Variants in TSNARE1 observed in about 807,000 individuals in gnomAD.
TSNARE1 encodes the protein t-SNARE domain containing 1, also known as t-SNARE domain-containing protein 1.
TSNARE1 carries 49 observed loss-of-function variants against 62.0 expected under a neutral mutation model. The ratio of observed to expected loss-of-function variants is 0.79; its 90% CI spans 0.63 to 1.00. The LOEUF is 1.00. Among genes scored for constraint, TSNARE1 ranks in the 50% least tolerant of loss-of-function variants. The pLI is 0.00. For missense variants in TSNARE1, 755 were observed against 700.1 expected (o/e 1.08, Z -0.88); for synonymous variants, 328 against 294.4 (o/e 1.11, Z -1.17).
chr8:142,405,559 A>G (rs963990240), upstream of TSNARE1: 14 of 152,322 alleles, frequency 9.2e-5, no homozygotes, highest in African/African-American at 3.1e-4. Flanking sequence ...CTTCGGAAGG[A>G]ACGTTGAGGC....
At chr8:142,344,588 T>A in intron 3 of TSNARE1, 116 bp from the exon 4 acceptor site, 2 of 1,136,474 alleles carry the variant, frequency 1.8e-6, no homozygotes, top group Non-Finnish European at 2.4e-6. Flanking sequence ...CACGGCTGCC[T>A]GGTCCTGGCC....
chr8:142,286,106 G>A lies in TSNARE1; in HGVS notation c.1291-1621C>T, dbSNP rs1822702191. On this transcript the variant is annotated intron_variant, in intron 10 of 13. Coordinates refer to ENST00000524325, the MANE Select transcript of TSNARE1 (RefSeq NM_145003.5). ...CTGCACCTAGGACGGCTCCTCCGCT[G>A]GCCAGATGCATGGCCCTGGGCAAGC... 3.3e-5 allele frequency among the ~76,000 whole-genome samples: 5 copies of A among 152,306 alleles called. No homozygotes were observed. In the South Asian group the frequency reaches 1.0e-3, roughly 32 times the overall value.
At chr8:142,385,306 T>C (rs1216363587) in intron 1 of TSNARE1, among the ~76,000 whole-genome samples, 2 of 152,140 alleles carry the variant, frequency 1.3e-5, no homozygotes, top group African/African-American at 4.8e-5. Context: ...AGCCACAGCT[T>C]TGAATATGCA....
At chr8:142,296,636 G>C (rs959318683) in intron 10 of TSNARE1, among the ~76,000 whole-genome samples, 2 of 152,008 alleles carry the variant, frequency 1.3e-5, no homozygotes, top group Non-Finnish European at 2.9e-5. Context: ...GGACCAACCA[G>C]AGACTCCCCG....
At chr8:142,275,052 G>A in intron 11 of TSNARE1, 189 bp from the exon 12 acceptor site, 1 of 985,408 alleles carries the variant, frequency 1.0e-6, no homozygotes, top group Non-Finnish European at 1.2e-6. Context: ...GGGCAGCAAT[G>A]ACATTAGAAC....
At chr8:142,255,923 CCATCACCATCACCATCACCACCAT>C (rs1818479481) in intron 12 of TSNARE1, among the ~76,000 whole-genome samples, 1 of 55,496 alleles carries the variant, frequency 1.8e-5, no homozygotes, top group African/African-American at 5.4e-5. Flanking sequence ...ACCACCATCA[CCATCACCATCACCATCACCACCAT>C]CATCACCATC....
intron 12 of TSNARE1, among the ~76,000 whole-genome samples, chr8:142,250,884 C>G (rs142330600): frequency 6.6e-6 from 1 of 152,318 alleles, no homozygotes; most frequent in Non-Finnish European, 1.5e-5. Context: ...CCTTTCCCTG[C>G]CTGTGCCTCT....
intron 1 of TSNARE1, among the ~76,000 whole-genome samples, chr8:142,384,444 G>A (rs1587108912): frequency 6.6e-6 from 1 of 152,328 alleles, no homozygotes; most frequent in East Asian, 1.9e-4. Context: ...CAAAGCTACA[G>A]TAATCAAAAC....
intron 12 of TSNARE1, among the ~76,000 whole-genome samples, chr8:142,255,968 TCAC>T (rs1818490548): frequency 1.5e-5 from 1 of 68,124 alleles, no homozygotes; most frequent in Non-Finnish European, 3.1e-5. Context: ...ACCACCACCA[TCAC>T]CATCACCACC....
In TSNARE1 at chr8:142,270,469, G is replaced by A. The variant is rs545390076; in HGVS notation, c.1446+4312C>T. 3.3e-3 allele frequency: 3,109 copies of A among 949,406 alleles called. 5 individuals carry two copies. Among genetic ancestry groups the A allele is most frequent in the Admixed American group, 5.1e-3 (71 of 13,930 alleles). 58.8% of individuals were successfully genotyped at this position (949,406 alleles called of 1,614,324 possible). On this transcript the variant is annotated intron_variant, in intron 12 of 13. Coordinates refer to ENST00000524325, the MANE Select transcript of TSNARE1 (RefSeq NM_145003.5). ...TCATCCCAGCCCCATACAGTACCAA[G>A]TAATATATAGGCATATATATATATA...
At position 142,275,253 on chromosome 8, in the gene TSNARE1, C is replaced by T. The variant is rs1266896477; in HGVS notation, c.1364-390G>A. ...CACGGCCCCCTCTGAAGGGGCAAAGCCCCTGCCTTAACGTCTGTGGAGTTG... is the reference window on the plus strand; with the variant it reads ...CACGGCCCCCTCTGAAGGGGCAAAGTCCCTGCCTTAACGTCTGTGGAGTTG... On this transcript the variant is annotated intron_variant, in intron 11 of 13. Coordinates refer to ENST00000524325, the MANE Select transcript of TSNARE1 (RefSeq NM_145003.5). 3 of 985,358 alleles carry T rather than the reference C, an allele frequency of 3.0e-6. No individual in the cohort carries two copies. The African/African-American group carries it at 5.2e-5, about 17-fold the overall frequency. The allele number at this position is 985,358 out of a possible 1,614,324, so 61.0% of individuals were successfully genotyped here. A position where few individuals can be genotyped will look rare whatever the true frequency, so the allele number is the denominator to read the frequency against.
chr8:142,227,518 C>G lies in TSNARE1; in HGVS notation c.*11+1955G>C, dbSNP rs905134983. Among the ~76,000 whole-genome samples, 25 of 151,684 alleles carry G rather than the reference C, an allele frequency of 1.6e-4. No individual in the cohort carries two copies. In the East Asian group the frequency reaches 4.7e-3, roughly 28 times the overall value. On this transcript the variant is annotated intron_variant, in intron 13 of 13. Transcript: ENST00000524325. ...GCCCATAACCCCAGTGACAGCCAGGCCCCCCATTCTGCCCACAACCCCAAC... is the reference window on the plus strand; with the variant it reads ...GCCCATAACCCCAGTGACAGCCAGGGCCCCCATTCTGCCCACAACCCCAAC...
intron 11 of TSNARE1, chr8:142,279,863 G>C (rs1821124063): frequency 9.7e-7 from 1 of 1,030,234 alleles, no homozygotes; most frequent in Admixed American, 6.0e-5. Context: ...CACTTACTTG[G>C]CAGGGGCTCC....
intron 10 of TSNARE1, among the ~76,000 whole-genome samples, chr8:142,289,505 C>G (rs1420287064): frequency 6.6e-6 from 1 of 152,212 alleles, no homozygotes; most frequent in Non-Finnish European, 1.5e-5. Flanking sequence ...GCTCAGGGCA[C>G]AGGCAGCCCC....
chr8:142,267,664 T>TC (rs1819205851), intron 12 of TSNARE1, among the ~76,000 whole-genome samples: 1 of 151,968 alleles, frequency 6.6e-6, no homozygotes, highest in East Asian at 1.9e-4. Flanking sequence ...TCCCTGCCAC[T>TC]CCCCCCGGCC....
chr8:142,275,663 GAGGT>G (rs2130632100), intron 11 of TSNARE1: 1 of 985,338 alleles, frequency 1.0e-6, no homozygotes, highest in East Asian at 1.1e-4. Flanking sequence ...TTCCCGGAGG[GAGGT>G]TCCTTGCAAG....
At chr8:142,285,304 A>G (rs1822521696) in intron 10 of TSNARE1, among the ~76,000 whole-genome samples, 1 of 141,186 alleles carries the variant, frequency 7.1e-6, no homozygotes, top group African/African-American at 2.7e-5. Flanking sequence ...GGGTAGGTGG[A>G]TGGATGGATG....
chr8:142,373,157 G>A (rs1836034696), intron 1 of TSNARE1, among the ~76,000 whole-genome samples: 1 of 152,188 alleles, frequency 6.6e-6, no homozygotes, highest in Admixed American at 6.5e-5. Flanking sequence ...AGAGAGGAAG[G>A]GAGGCCTCAC....
intron 12 of TSNARE1, among the ~76,000 whole-genome samples, chr8:142,245,403 G>C (rs1300608294): frequency 6.6e-6 from 1 of 152,240 alleles, no homozygotes; most frequent in African/African-American, 2.4e-5. Flanking sequence ...ACCAAAAACT[G>C]CAAACACTCT....
Sources: gnomAD v4.1 joint callset for allele counts (sites outside exome capture counted in the v4.1 genomes callset) on GRCh38, gnomAD v4.1.1 for gene constraint, MANE v1.5 for transcripts, NCBI Gene and HGNC (gene_info 2026-07-23, HGNC 2026-07-21) for gene names.